STK32B: variants seen among roughly 807,000 people sequenced by gnomAD.
The protein encoded by STK32B is serine/threonine kinase 32B.
STK32B carries 43 observed loss-of-function variants against 52.6 expected under a neutral mutation model. That is an observed-to-expected ratio of 0.82 (90% CI 0.64 to 1.05). The LOEUF (loss-of-function observed/expected upper bound fraction) is 1.05, where lower values mean the gene tolerates loss of function less well. Among genes scored for constraint, STK32B ranks in the 50% least tolerant of loss-of-function variants. STK32B has a pLI of 0.00. For synonymous variants in STK32B, 238 were observed against 204.3 expected (o/e 1.17, Z -1.41); for missense variants, 621 against 534.6 (o/e 1.16, Z -1.59).
chr4:5,289,250 G>A (rs1220527159), intron 3 of STK32B, among the ~76,000 whole-genome samples: 3 of 152,156 alleles, frequency 2.0e-5, no homozygotes, highest in Admixed American at 6.5e-5. Context: ...AAAAGCATAA[G>A]TGTGGTATAA....
At chr4:5,144,983 A>T (rs151183688) in intron 2 of STK32B, among the ~76,000 whole-genome samples, 2 of 152,328 alleles carry the variant, frequency 1.3e-5, no homozygotes, top group Non-Finnish European at 2.9e-5. Flanking sequence ...TCTGAAAAGC[A>T]TGGTAGGGGA....
chr4:5,438,640 T>G (rs1714367946), intron 6 of STK32B, among the ~76,000 whole-genome samples: 1 of 152,198 alleles, frequency 6.6e-6, no homozygotes. Context: ...TTAGGGTACA[T>G]GTGCACATTG....
intron 4 of STK32B, among the ~76,000 whole-genome samples, chr4:5,369,237 T>C (rs1387063164): frequency 5.9e-5 from 9 of 151,810 alleles, no homozygotes. Context: ...AACCACACCC[T>C]AAGCATGGCA....
chr4:5,441,381 G>C (rs1414204556), intron 6 of STK32B, among the ~76,000 whole-genome samples: 11 of 150,824 alleles, frequency 7.3e-5, no homozygotes, highest in South Asian at 4.2e-4. Flanking sequence ...AGATTTTCTA[G>C]TTTATTTGCG....
rs1737057266 is a variant in STK32B at position 5,398,319 on chromosome 4, G to A, written c.472+75G>A. On this transcript the variant is annotated intron_variant, in intron 5 of 11. Coordinates refer to ENST00000282908, the MANE Select transcript of STK32B (RefSeq NM_018401.3). This position sits in a 1 kb window ranked among gnomAD's most constrained non-coding sequence, Gnocchi z 4.9. The stretch of plus-strand genomic sequence containing the variant: ...GCACTGGGAAATAGTGCGGGGGTGG[G>A]GGTTGGGTCTTGCTGAGTTGGACAT... 2 of 1,542,634 alleles carry A rather than the reference G, an allele frequency of 1.3e-6. No individual in the cohort carries two copies. Among genetic ancestry groups the A allele is most frequent in the Non-Finnish European group, 8.9e-7 (1 of 1,121,526 alleles).
intron 3 of STK32B, among the ~76,000 whole-genome samples, chr4:5,172,998 G>T (rs1202403925): frequency 6.6e-6 from 1 of 152,184 alleles, no homozygotes; most frequent in Non-Finnish European, 1.5e-5. Context: ...CCTGTTATTG[G>T]TCTATTCAGA....
At chr4:5,034,678 T>C in the STK32B span, among the ~76,000 whole-genome samples, 1 of 152,330 alleles carries the variant, frequency 6.6e-6, no homozygotes, top group African/African-American at 2.4e-5. Flanking sequence ...TCTTCACATT[T>C]TCCTGCTTGA....
intron 11 of STK32B, among the ~76,000 whole-genome samples, chr4:5,495,538 G>A (rs933258355): frequency 2.0e-5 from 3 of 152,126 alleles, no homozygotes; most frequent in Non-Finnish European, 2.9e-5. Flanking sequence ...CCTGTAGCTC[G>A]CAGTAGCTTG....
At chr4:5,188,457 C>T (rs1413029880) in intron 3 of STK32B, among the ~76,000 whole-genome samples, 2 of 152,138 alleles carry the variant, frequency 1.3e-5, no homozygotes, top group Non-Finnish European at 2.9e-5. Context: ...TTCTCCGACC[C>T]ACCTCCCACC....
chr4:5,481,234 T>G (rs1351968182), intron 11 of STK32B, among the ~76,000 whole-genome samples: 3 of 152,184 alleles, frequency 2.0e-5, no homozygotes, highest in Admixed American at 6.5e-5. Flanking sequence ...CCACATCCTC[T>G]CCAGCATCTG....
intron 3 of STK32B, among the ~76,000 whole-genome samples, chr4:5,237,584 A>T (rs1347418487): frequency 6.6e-6 from 1 of 152,202 alleles, no homozygotes; most frequent in African/African-American, 2.4e-5. Context: ...CAAATCTAGG[A>T]TGAGGGAAAT....
chr4:5,232,448 T>C (rs764229624), intron 3 of STK32B, among the ~76,000 whole-genome samples: 5 of 152,240 alleles, frequency 3.3e-5, no homozygotes, highest in Non-Finnish European at 7.3e-5. Context: ...TCTTTCACAA[T>C]TGAGGGACAC....
chr4:5,063,998 G>A (rs1002351789), intron 1 of STK32B, among the ~76,000 whole-genome samples: 10 of 151,922 alleles, frequency 6.6e-5, no homozygotes, highest in South Asian at 4.1e-4. Flanking sequence ...TTAATTAGTA[G>A]TCTGTCTTCT....
At chr4:5,031,451 T>TAA in the STK32B span, among the ~76,000 whole-genome samples, 1 of 151,888 alleles carries the variant, frequency 6.6e-6, no homozygotes, top group East Asian at 1.9e-4. Flanking sequence ...AAACAAAACT[T>TAA]AGCTGGGTAT....
chr4:5,371,376 G>A (rs1299839678), intron 4 of STK32B, among the ~76,000 whole-genome samples: 7 of 152,142 alleles, frequency 4.6e-5, no homozygotes, highest in Non-Finnish European at 8.8e-5. Context: ...AAAGGTGAGG[G>A]TTTCTTGCTA....
At chr4:5,023,747 C>G in the STK32B span, among the ~76,000 whole-genome samples, 1 of 151,898 alleles carries the variant, frequency 6.6e-6, no homozygotes, top group Non-Finnish European at 1.5e-5. Flanking sequence ...CTGTCTAGAG[C>G]CCTATCTCCT....
At chr4:5,439,422 T>C (rs570359568) in intron 6 of STK32B, among the ~76,000 whole-genome samples, 776 of 152,174 alleles carry the variant, frequency 5.1e-3, no homozygotes, top group Middle Eastern at 0.017. Context: ...TGTCTGTTCA[T>C]GTCCTTCGCC....
At chr4:5,251,944 G>C (rs1313255779) in intron 3 of STK32B, among the ~76,000 whole-genome samples, 1 of 152,176 alleles carries the variant, frequency 6.6e-6, no homozygotes, top group African/African-American at 2.4e-5. Flanking sequence ...TGCAGGGGTA[G>C]AACAATGTCC....
chr4:5,463,316 T>C (rs1717176998), intron 9 of STK32B, among the ~76,000 whole-genome samples: 1 of 148,810 alleles, frequency 6.7e-6, no homozygotes, highest in Non-Finnish European at 1.5e-5. Context: ...CCTGAGGCTG[T>C]GTGCTGGGAT....
Sources: gnomAD v4.1 joint callset for allele counts (sites outside exome capture counted in the v4.1 genomes callset) on GRCh38, gnomAD v4.1.1 for gene constraint, Gnocchi (gnomAD v3.1) non-coding constraint, MANE v1.5 for transcripts, NCBI Gene and HGNC (gene_info 2026-07-23, HGNC 2026-07-21) for gene names.